IQSEC2: variants seen among roughly 807,000 people sequenced by gnomAD.
IQSEC2 encodes the protein IQ motif and Sec7 domain ArfGEF 2.
In IQSEC2, 6 loss-of-function variants were observed where a neutral mutation model predicts 74.6. That is an observed-to-expected ratio of 0.08 (90% CI 0.04 to 0.16). The LOEUF (loss-of-function observed/expected upper bound fraction) is 0.16, where lower values mean the gene tolerates loss of function less well. IQSEC2 is among the 10% of genes least tolerant of loss of function. The pLI, the probability that IQSEC2 is intolerant of heterozygous loss-of-function variation, is 1.00. For synonymous variants in IQSEC2, 494 were observed against 544.5 expected (o/e 0.91, Z 1.29); for missense variants, 734 against 1,306.2 (o/e 0.56, Z 6.75).
chrX:53,274,758 G>A (rs1556869190), intron 2 of IQSEC2, among the ~76,000 whole-genome samples: 1 of 111,006 alleles, frequency 9.0e-6, no homozygotes, highest in African/African-American at 3.3e-5. Context: ...ACCGCACCCG[G>A]CCTGCTTTAG....
In IQSEC2 at chrX:53,239,228, C is replaced by T. The variant is rs1085307618; in HGVS notation, c.3082G>A (p.Val1028Met). The T allele has an allele frequency of 5.0e-6, 6 of 1,208,537 alleles. No individual in the cohort carries two copies. The highest frequency in any genetic ancestry group is 1.8e-5 in the African/African-American group (1 of 57,080). Residue 1028 changes from valine (V) to methionine (M), a missense_variant, in exon 11 of 15, where the codon GTG becomes ATG. By Grantham distance (21) the Val-to-Met change is conservative (BLOSUM62 1). Around this residue, in one of 12 missense-constraint regions of IQSEC2, gnomAD observed 249 missense variants for 467.9 expected, o/e 0.53. Transcript: ENST00000642864. ...TYSFRQSFPL[V>M]EMHMQLFQNS... Reference sequence around the variant, plus strand: ...TGGAAGAGCTGCATGTGCATTTCCACGAGGGGGAAAGACTGACGGAAACTG... The same window carrying T: ...TGGAAGAGCTGCATGTGCATTTCCATGAGGGGGAAAGACTGACGGAAACTG...
chrX:53,272,829 T>G (rs781960555), intron 2 of IQSEC2, among the ~76,000 whole-genome samples: 16 of 111,957 alleles, frequency 1.4e-4, no homozygotes, highest in Non-Finnish European at 3.0e-4. Flanking sequence ...GCCCATTCTT[T>G]GCTCCAGAAC....
At chrX:53,287,067 C>T (rs2075040730) in intron 2 of IQSEC2, among the ~76,000 whole-genome samples, 1 of 111,055 alleles carries the variant, frequency 9.0e-6, no homozygotes, top group South Asian at 3.9e-4. Context: ...AGCGAGACAG[C>T]AACCTTGGTC....
At chrX:53,244,226 A>G (rs1274303152) in intron 8 of IQSEC2, among the ~76,000 whole-genome samples, 1 of 107,576 alleles carries the variant, frequency 9.3e-6, no homozygotes, top group African/African-American at 3.4e-5. Context: ...CAAAAAAAAA[A>G]AAAAGAAAAA....
At chrX:53,268,438 G>A (rs1556868119) in intron 2 of IQSEC2, among the ~76,000 whole-genome samples, 1 of 111,145 alleles carries the variant, frequency 9.0e-6, no homozygotes. Context: ...CAAGTTCTGG[G>A]CAAGTAGCCC....
chrX:53,268,806 C>T (rs184645385), intron 2 of IQSEC2, among the ~76,000 whole-genome samples: 13 of 112,268 alleles, frequency 1.2e-4, no homozygotes, highest in Non-Finnish European at 2.3e-4. Flanking sequence ...TGGAATCAGA[C>T]GGACCTGAGT....
chrX:53,315,958 C>G (rs1452396684), intron 1 of IQSEC2, among the ~76,000 whole-genome samples: 1 of 111,866 alleles, frequency 8.9e-6, no homozygotes, highest in Non-Finnish European at 1.9e-5. Flanking sequence ...TACCCCTCAT[C>G]CCTCACCCAC....
chrX:53,307,235 G>C (rs1358505709), intron 1 of IQSEC2, among the ~76,000 whole-genome samples: 2 of 108,069 alleles, frequency 1.9e-5, no homozygotes, highest in Non-Finnish European at 3.8e-5. Flanking sequence ...TGGATACATA[G>C]GCAGCTCACC....
In IQSEC2 at chrX:53,251,008, G is replaced by T; in HGVS notation, c.1568C>A (p.Thr523Lys). ...TCGCTCAGGGGATTGTTGGGGAACT[G>T]TGTCATCCAGGTAGAGGGGAAGATC... ...FSDLPLYLDD[T>K]VPQQSPERLP... The change falls in exon 5 of 15, where the codon ACA becomes AAA. Residue 523 changes from threonine (T) to lysine (K), a missense_variant. Around this residue, in one of 12 missense-constraint regions of IQSEC2, gnomAD observed 204 missense variants for 305.4 expected, o/e 0.67. Coordinates refer to ENST00000642864, the MANE Select transcript of IQSEC2 (RefSeq NM_001111125.3). The T allele has an allele frequency of 8.3e-7, 1 of 1,212,030 alleles. No homozygotes were observed. Among genetic ancestry groups the T allele is most frequent in the Non-Finnish European group, 1.1e-6 (1 of 895,556 alleles).
intron 1 of IQSEC2, among the ~76,000 whole-genome samples, chrX:53,307,295 CTTTTTTTT>C (rs60909741): frequency 1.8e-5 from 1 of 55,939 alleles, no homozygotes; most frequent in Non-Finnish European, 3.7e-5. Flanking sequence ...TTCTTTCTTT[CTTTTTTTT>C]TTTTTTTTTT....
chrX:53,265,593 T>A (rs2074643459), intron 2 of IQSEC2, among the ~76,000 whole-genome samples: 1 of 111,320 alleles, frequency 9.0e-6, no homozygotes, highest in Admixed American at 9.5e-5. Context: ...TACCAAAGGC[T>A]CAGACAGGAA....
intron 10 of IQSEC2, 103 bp downstream of exon 10, chrX:53,241,681 G>A (rs2074223565): frequency 1.8e-6 from 2 of 1,111,346 alleles, no homozygotes; most frequent in South Asian, 1.9e-5. Flanking sequence ...CACCTCGCCC[G>A]CCACACTCCA....
In IQSEC2 at chrX:53,243,490, C is replaced by T; in HGVS notation, c.2750-19G>A. On this transcript the variant is annotated intron_variant, in intron 8 of 14. Coordinates refer to ENST00000642864, the MANE Select transcript of IQSEC2 (RefSeq NM_001111125.3). ...TCAACCCCTGGGGGAGGGAGTAACA[C>T]AGGGATATGTCACATAATTATGGGC... 1 of 1,162,563 alleles carries T rather than the reference C, an allele frequency of 8.6e-7. No individual in the cohort carries two copies. The highest frequency in any genetic ancestry group is 1.2e-6 in the Non-Finnish European group (1 of 868,963).
Position 53,260,270 on chromosome X carries a change from G to GTACA in IQSEC2, c.738-4213_738-4210dup, listed in dbSNP as rs781943781. Among the ~76,000 whole-genome samples, 4 of 111,666 alleles carry GTACA rather than the reference G, an allele frequency of 3.6e-5. No homozygotes were observed. The East Asian group carries it at 1.1e-3, about 31-fold the overall frequency. ...AAAGGCAGAGCAGTCCAGAGAGAGG[G>GTACA]TACAGCCAGCGCAAAGGCCCGGAGG... On this transcript the variant is annotated intron_variant, in intron 2 of 14. Transcript: ENST00000642864.
intron 1 of IQSEC2, among the ~76,000 whole-genome samples, chrX:53,304,585 T>C (rs2075242161): frequency 8.9e-6 from 1 of 112,386 alleles, no homozygotes; most frequent in Non-Finnish European, 1.9e-5. Flanking sequence ...CAAATGTCTT[T>C]TTCAGGAAGT....
At chrX:53,266,969 C>G (rs1556867812) in intron 2 of IQSEC2, 1 of 1,151,113 alleles carries the variant, frequency 8.7e-7, no homozygotes, top group Non-Finnish European at 1.1e-6. Flanking sequence ...TCTCAGTTAC[C>G]GAGAGGAGGG....
intron 2 of IQSEC2, among the ~76,000 whole-genome samples, chrX:53,291,402 C>A (rs12557895): frequency 9.0e-6 from 1 of 111,603 alleles, no homozygotes; most frequent in Non-Finnish European, 1.9e-5. Flanking sequence ...CAAGCACACA[C>A]AAAAAAATTT....
intron 1 of IQSEC2, among the ~76,000 whole-genome samples, chrX:53,300,492 A>G (rs1046687277): frequency 5.4e-5 from 6 of 111,280 alleles, no homozygotes; most frequent in African/African-American, 2.0e-4. Context: ...GTCTATTTCC[A>G]TGGCTGACTC....
intron 2 of IQSEC2, 114 bp downstream of exon 2, chrX:53,291,781 C>T (rs1427331355): frequency 5.1e-5 from 32 of 624,492 alleles, no homozygotes; most frequent in African/African-American, 1.2e-4. Flanking sequence ...ACAGGGAAGA[C>T]GCCCTTGAGT....
Sources: allele counts gnomAD v4.1 joint callset (sites outside exome capture counted in the v4.1 genomes callset), GRCh38; gene constraint gnomAD v4.1.1; regional missense constraint gnomAD v4.1.1; transcripts MANE v1.5; gene names NCBI Gene and HGNC (gene_info 2026-07-23, HGNC 2026-07-21).